Variants in ARHGAP25 observed in about 807,000 individuals in gnomAD.
ARHGAP25 encodes the protein Rho GTPase activating protein 25.
In ARHGAP25, 34 loss-of-function variants were observed where a neutral mutation model predicts 71.0. That is an observed-to-expected ratio of 0.48 (90% CI 0.36 to 0.64). The LOEUF (loss-of-function observed/expected upper bound fraction) is 0.64, where lower values mean the gene tolerates loss of function less well. ARHGAP25 is among the 30% of genes least tolerant of loss of function. The pLI is 0.00. For missense variants in ARHGAP25, 706 were observed against 805.1 expected (o/e 0.88, Z 1.49); for synonymous variants, 282 against 296.5 (o/e 0.95, Z 0.50).
At position 68,746,524 on chromosome 2, in the gene ARHGAP25, G is replaced by A. The variant is rs57533616; in HGVS notation, c.61+11264G>A. 3.4e-3 allele frequency among the ~76,000 whole-genome samples: 521 copies of A among 152,278 alleles called. 2 individuals carry two copies. Among genetic ancestry groups the A allele is most frequent in the African/African-American group, 0.012 (491 of 41,538 alleles). On this transcript the variant is annotated intron_variant, in intron 1 of 10. Coordinates refer to ENST00000409202, the MANE Select transcript of ARHGAP25 (RefSeq NM_001007231.3). The stretch of plus-strand genomic sequence containing the variant: ...GCAGATGGCCAGGAGCTGCAAGAAT[G>A]TTTTCTAGGTCCTCCCAGTGGTTTT...
chr2:68,731,508 C>T (rs892111962), upstream of ARHGAP25, among the ~76,000 whole-genome samples: 1 of 152,014 alleles, frequency 6.6e-6, no homozygotes, highest in Non-Finnish European at 1.5e-5. Context: ...TAGTGACCTC[C>T]GTTTTCCCCA....
chr2:68,774,211 C>A (rs1012748770), intron 1 of ARHGAP25, among the ~76,000 whole-genome samples: 3 of 152,144 alleles, frequency 2.0e-5, no homozygotes, highest in African/African-American at 7.2e-5. Context: ...GCCAAGGAGA[C>A]AAGGGCATCA....
intron 3 of ARHGAP25, among the ~76,000 whole-genome samples, chr2:68,787,615 A>G (rs1259454871): frequency 6.6e-6 from 1 of 152,220 alleles, no homozygotes; most frequent in Non-Finnish European, 1.5e-5. Context: ...AGCTATGCCA[A>G]TTGCAAACCA....
chr2:68,729,775 C>T (rs530206538), intron 2 of ARHGAP25, among the ~76,000 whole-genome samples: 1 of 152,286 alleles, frequency 6.6e-6, no homozygotes, highest in African/African-American at 2.4e-5. Context: ...AATTCACATA[C>T]CATGCAATTC....
chr2:68,753,420 A>G (rs2104321571), intron 1 of ARHGAP25, among the ~76,000 whole-genome samples: 1 of 152,300 alleles, frequency 6.6e-6, no homozygotes, highest in South Asian at 2.1e-4. Flanking sequence ...TACTACTTGA[A>G]TTATGGAAGG....
chr2:68,799,127 T>TAGA (rs1161430165), intron 4 of ARHGAP25, among the ~76,000 whole-genome samples: 2 of 152,102 alleles, frequency 1.3e-5, no homozygotes, highest in African/African-American at 4.8e-5. Context: ...GCAAACAGGT[T>TAGA]TGCACAATGT....
intron 4 of ARHGAP25, among the ~76,000 whole-genome samples, chr2:68,795,023 T>G (rs1679440306): frequency 6.6e-6 from 1 of 152,184 alleles, no homozygotes; most frequent in Non-Finnish European, 1.5e-5. Context: ...TTCTAGGAAT[T>G]TATCCATTTC....
intron 4 of ARHGAP25, among the ~76,000 whole-genome samples, chr2:68,792,756 G>A (rs1679274434): frequency 6.6e-6 from 1 of 152,108 alleles, no homozygotes; most frequent in African/African-American, 2.4e-5. Context: ...GTATCTTTTT[G>A]TTATAATGAT....
chr2:68,738,136 C>T (rs769158176), intron 1 of ARHGAP25, among the ~76,000 whole-genome samples: 1 of 152,234 alleles, frequency 6.6e-6, no homozygotes, highest in Non-Finnish European at 1.5e-5. Context: ...GCACACACTT[C>T]TTCCTGTGAT....
rs1347093141 is a variant in ARHGAP25, at chr2:68,782,334, G to T, written c.349+14G>T. ...AAATCATTCCAGGTAGGCCACCACA[G>T]GTAGGACAGAGGTGCAGTGCAGAAG... is the stretch of plus-strand genomic sequence containing the variant. On this transcript the variant is annotated intron_variant, in intron 3 of 10. Coordinates refer to ENST00000409202, the MANE Select transcript of ARHGAP25 (RefSeq NM_001007231.3). 6.2e-7 allele frequency: 1 copy of T among 1,612,990 alleles called. No individual in the cohort carries two copies. The highest frequency in any genetic ancestry group is 1.3e-5 in the African/African-American group (1 of 74,902).
At chr2:68,750,354 T>C (rs1464016432) in intron 1 of ARHGAP25, among the ~76,000 whole-genome samples, 1 of 148,114 alleles carries the variant, frequency 6.8e-6, no homozygotes, top group Non-Finnish European at 1.5e-5. Context: ...TAGAGTTTTA[T>C]TCTTGTCACC....
intron 4 of ARHGAP25, among the ~76,000 whole-genome samples, chr2:68,802,389 C>T (rs942546536): frequency 1.1e-5 from 1 of 91,012 alleles, no homozygotes; most frequent in African/African-American, 4.3e-5. Context: ...GCCTGGATGA[C>T]AAAGCAAGAC....
At chr2:68,784,949 T>G (rs2104396171) in intron 3 of ARHGAP25, among the ~76,000 whole-genome samples, 1 of 152,320 alleles carries the variant, frequency 6.6e-6, no homozygotes, top group East Asian at 1.9e-4. Context: ...ATTAAGAAGG[T>G]GACCTTTGGG....
In ARHGAP25 at chr2:68,813,271, G is replaced by T; in HGVS notation, c.675-16G>T. On this transcript the variant is annotated splice_polypyrimidine_tract_variant and intron_variant, in intron 5 of 10. Transcript: ENST00000409202. ...CTTTCAAAGAGTTTCACAGAGCGTT[G>T]CTTATTTTCTTCCAGAGACACAGAT... 3 of 1,601,568 alleles carry T rather than the reference G, an allele frequency of 1.9e-6. No individual in the cohort carries two copies. The highest frequency in any genetic ancestry group is 2.6e-6 in the Non-Finnish European group (3 of 1,176,132).
chr2:68,744,017 T>C (rs960812823), intron 1 of ARHGAP25, among the ~76,000 whole-genome samples: 9 of 151,922 alleles, frequency 5.9e-5, no homozygotes, highest in Admixed American at 2.0e-4. Context: ...TTCTTTTTAG[T>C]ACTCATGGTT....
intron 4 of ARHGAP25, among the ~76,000 whole-genome samples, chr2:68,796,000 T>A (rs1364969140): frequency 6.6e-6 from 1 of 152,212 alleles, no homozygotes; most frequent in Non-Finnish European, 1.5e-5. Flanking sequence ...TAGTTCCAAA[T>A]GACTCACTTT....
chr2:68,805,672 G>A (rs939525315), intron 4 of ARHGAP25, among the ~76,000 whole-genome samples: 1 of 152,126 alleles, frequency 6.6e-6, no homozygotes, highest in Non-Finnish European at 1.5e-5. Context: ...GAGGAGGCTG[G>A]CCTACGCTGG....
At chr2:68,800,760 C>T (rs1189587126) in intron 4 of ARHGAP25, among the ~76,000 whole-genome samples, 1 of 152,080 alleles carries the variant, frequency 6.6e-6, no homozygotes, top group Non-Finnish European at 1.5e-5. Flanking sequence ...TTGTAGAGTT[C>T]TCATGAGGAC....
Position 68,775,207 on chromosome 2 carries a change from G to A in ARHGAP25, c.62-14G>A, listed in dbSNP as rs1368747832. 1 of 1,614,128 alleles carries A rather than the reference G, an allele frequency of 6.2e-7. No homozygotes were observed. The highest frequency in any genetic ancestry group is 1.3e-5 in the African/African-American group (1 of 74,936). Reference sequence around the variant, plus strand: ...TGTCCCTCGGTCAGTCGGCCTGTCTGTTCCTCTCTATAGCTCGGTCAAGGA... The same window carrying A: ...TGTCCCTCGGTCAGTCGGCCTGTCTATTCCTCTCTATAGCTCGGTCAAGGA... On this transcript the variant is annotated splice_polypyrimidine_tract_variant and intron_variant, in intron 1 of 10. Coordinates refer to ENST00000409202, the MANE Select transcript of ARHGAP25 (RefSeq NM_001007231.3).
Sources: allele counts gnomAD v4.1 joint callset (sites outside exome capture counted in the v4.1 genomes callset), GRCh38; gene constraint gnomAD v4.1.1; transcripts MANE v1.5; gene names NCBI Gene and HGNC (gene_info 2026-07-23, HGNC 2026-07-21).